The following SDK1 variants were observed in gnomAD, a reference collection of about 807,000 sequenced individuals.
The protein encoded by SDK1 is sidekick cell adhesion molecule 1.
SDK1 carries 157 observed loss-of-function variants against 245.5 expected under a neutral mutation model. The observed-to-expected ratio is 0.64, with a 90% confidence interval of 0.56 to 0.73. The LOEUF is 0.73. Ranked by LOEUF, SDK1 falls within the 30% of genes least tolerant of loss-of-function variation. SDK1 has a pLI of 0.00. For missense variants in SDK1, 3,583 were observed against 3,002.3 expected, an observed-to-expected ratio of 1.19 and a Z score of -4.52; for synonymous variants, 1,647 against 1,278.5, an observed-to-expected ratio of 1.29 and a Z score of -6.15.
chr7:4,221,011 C>T (rs537179916), intron 39 of SDK1, among the ~76,000 whole-genome samples: 1 of 151,924 alleles, frequency 6.6e-6, no homozygotes, highest in African/African-American at 2.4e-5. Context: ...TGGGCTCAAG[C>T]GATCCACCTA....
intron 1 of SDK1, among the ~76,000 whole-genome samples, chr7:3,444,853 T>A (rs923622273): frequency 2.6e-5 from 4 of 152,192 alleles, no homozygotes; most frequent in African/African-American, 9.6e-5. Context: ...ACCTGCATGG[T>A]TTGAATAGCC....
intron 44 of SDK1, among the ~76,000 whole-genome samples, chr7:4,250,421 C>G (rs1787218120): frequency 6.6e-6 from 1 of 151,968 alleles, no homozygotes; most frequent in Non-Finnish European, 1.5e-5. Flanking sequence ...TCAGCTCCCT[C>G]TAACCTCCGC....
At chr7:4,106,768 C>G (rs1782950551) in intron 22 of SDK1, among the ~76,000 whole-genome samples, 1 of 152,138 alleles carries the variant, frequency 6.6e-6, no homozygotes, top group Non-Finnish European at 1.5e-5. Flanking sequence ...CCTCCCGGGC[C>G]TTACTGGTTC....
intron 19 of SDK1, among the ~76,000 whole-genome samples, chr7:4,065,694 GTTTTTT>G (rs749991713): frequency 2.0e-3 from 131 of 66,578 alleles, no homozygotes; most frequent in African/African-American, 4.1e-3. Context: ...AGTGGTTGTT[GTTTTTT>G]TTTTTTTTTT....
At chr7:3,619,896 G>A (rs1781882165) in intron 2 of SDK1, among the ~76,000 whole-genome samples, 1 of 152,332 alleles carries the variant, frequency 6.6e-6, no homozygotes, top group Middle Eastern at 3.4e-3. Context: ...CCTGGAGGCA[G>A]TAGCACAGCC....
At chr7:3,945,356 A>G (rs1780532606) in intron 5 of SDK1, among the ~76,000 whole-genome samples, 1 of 152,228 alleles carries the variant, frequency 6.6e-6, no homozygotes, top group Non-Finnish European at 1.5e-5. Flanking sequence ...AAAAGGACAC[A>G]GGGATCATTT....
At chr7:3,939,907 A>C (rs1428736481) in intron 5 of SDK1, among the ~76,000 whole-genome samples, 1 of 152,220 alleles carries the variant, frequency 6.6e-6, no homozygotes, top group African/African-American at 2.4e-5. Context: ...ATAAGCAAAA[A>C]ACTTACCTGA....
At chr7:3,837,674 T>C (rs967888247) in intron 5 of SDK1, among the ~76,000 whole-genome samples, 18 of 152,208 alleles carry the variant, frequency 1.2e-4, no homozygotes, top group African/African-American at 4.1e-4. Context: ...CATGATCCAA[T>C]AGGAGTTGCT....
intron 27 of SDK1, among the ~76,000 whole-genome samples, chr7:4,131,084 G>A (rs967143041): frequency 6.6e-6 from 1 of 152,192 alleles, no homozygotes; most frequent in African/African-American, 2.4e-5. Flanking sequence ...ATCCAGGAGG[G>A]AATGGGAATG....
intron 22 of SDK1, among the ~76,000 whole-genome samples, chr7:4,083,539 TCCC>T (rs1781200897): frequency 3.7e-5 from 2 of 54,434 alleles, no homozygotes; most frequent in Non-Finnish European, 3.4e-5. Context: ...CCTCCCTCCC[TCCC>T]TCCCTCCCTC....
rs373198713 is a variant in SDK1 at position 3,303,889 on chromosome 7, A to G, written c.298+2005A>G. Among the ~76,000 whole-genome samples, 34 of 152,334 alleles carry G rather than the reference A, an allele frequency of 2.2e-4. 3 individuals are homozygous for G. The highest frequency in any genetic ancestry group is 5.5e-4 in the African/African-American group (23 of 41,586). On this transcript the variant is annotated intron_variant, in intron 1 of 44. Coordinates refer to ENST00000404826, the MANE Select transcript of SDK1 (RefSeq NM_152744.4). The stretch of plus-strand genomic sequence containing the variant: ...GGGATGATGAGTTGGTCATATGTGC[A>G]GGAGTGCATTCTCTTGAATCTTATC...
chr7:3,742,474 A>C (rs1267853731), intron 4 of SDK1, among the ~76,000 whole-genome samples: 1 of 152,098 alleles, frequency 6.6e-6, no homozygotes, highest in African/African-American at 2.4e-5. Flanking sequence ...GCTTACACAA[A>C]CCAGCCCTAG....
At chr7:4,000,987 C>G (rs902302898) in intron 14 of SDK1, among the ~76,000 whole-genome samples, 2 of 152,186 alleles carry the variant, frequency 1.3e-5, no homozygotes, top group Admixed American at 6.5e-5. Context: ...TTCCTGTTAG[C>G]TTCCTGCCCT....
chr7:4,149,496 A>C lies in SDK1; in HGVS notation c.4625+33A>C, dbSNP rs569269494. 20 of 1,379,256 alleles carry C rather than the reference A, an allele frequency of 1.5e-5. No homozygotes were observed. The South Asian group carries it at 3.1e-4, about 22-fold the overall frequency. 85.4% of individuals were successfully genotyped at this position (1,379,256 alleles called of 1,614,324 possible). ...GAGAGCAGGAGCACCTCCCCGGGGA[A>C]CGGGGCCCTGGCCGCCTCCAGCCAG... On this transcript the variant is annotated intron_variant, in intron 30 of 44. Transcript: ENST00000404826.
chr7:3,853,444 A>G (rs1780467248), intron 5 of SDK1, among the ~76,000 whole-genome samples: 1 of 152,202 alleles, frequency 6.6e-6, no homozygotes, highest in Non-Finnish European at 1.5e-5. Flanking sequence ...AGTGATTTTA[A>G]TATTAAAAAC....
At chr7:3,565,651 T>C (rs1002899786) in intron 1 of SDK1, among the ~76,000 whole-genome samples, 2 of 152,214 alleles carry the variant, frequency 1.3e-5, no homozygotes, top group Non-Finnish European at 2.9e-5. Flanking sequence ...ATACCACAAT[T>C]CACAGATGCT....
chr7:3,984,865 A>C (rs1783703082), intron 13 of SDK1, among the ~76,000 whole-genome samples: 1 of 152,224 alleles, frequency 6.6e-6, no homozygotes, highest in South Asian at 2.1e-4. Flanking sequence ...GAAATTGTGA[A>C]CATAAGCTCA....
intron 5 of SDK1, among the ~76,000 whole-genome samples, chr7:3,864,559 C>T (rs1780773901): frequency 6.6e-6 from 1 of 152,132 alleles, no homozygotes; most frequent in Admixed American, 6.5e-5. Context: ...AAGTAGGTTT[C>T]CAGACAACAA....
In SDK1 at chr7:3,423,483, T is replaced by G. The variant is rs534777773; in HGVS notation, c.298+121599T>G. Among the ~76,000 whole-genome samples the G allele has an allele frequency of 3.0e-3, 453 of 152,140 alleles. 1 individual carries two copies. Among genetic ancestry groups the G allele is most frequent in the Non-Finnish European group, 4.5e-3 (308 of 68,008 alleles). ...TATGCTTTTATAAGATAGATTTTTT[T>G]GGGGGCAGTGAGAATATAAAAACAA... On this transcript the variant is annotated intron_variant, in intron 1 of 44. Transcript: ENST00000404826.
Sources: allele counts gnomAD v4.1 joint callset (sites outside exome capture counted in the v4.1 genomes callset), GRCh38; gene constraint gnomAD v4.1.1; transcripts MANE v1.5; gene names NCBI Gene and HGNC (gene_info 2026-07-23, HGNC 2026-07-21).